UBE3D: variants seen among roughly 807,000 people sequenced by gnomAD.
UBE3D encodes the protein ubiquitin protein ligase E3D, also known as E3 ubiquitin-protein ligase E3D.
A neutral mutation model predicts 49.6 loss-of-function variants in UBE3D; 48 were observed. The ratio of observed to expected loss-of-function variants is 0.97; its 90% CI spans 0.77 to 1.23. UBE3D has a LOEUF of 1.23. Ranked by LOEUF, UBE3D falls within the 50% of genes most tolerant of loss-of-function variation. The pLI, the probability that UBE3D is intolerant of heterozygous loss-of-function variation, is 0.00. For synonymous variants in UBE3D, 189 were observed against 174.2 expected (o/e 1.08, Z -0.67); for missense variants, 452 against 468.4 (o/e 0.96, Z 0.32).
At chr6:83,035,745 T>C (rs1782200728) in intron 5 of UBE3D, among the ~76,000 whole-genome samples, 3 of 152,202 alleles carry the variant, frequency 2.0e-5, no homozygotes, top group African/African-American at 7.2e-5. Context: ...GAAACTGAAG[T>C]CCTAGCTCTG....
intron 9 of UBE3D, among the ~76,000 whole-genome samples, chr6:82,932,800 AT>A (rs1774263727): frequency 6.6e-6 from 1 of 152,116 alleles, no homozygotes; most frequent in Non-Finnish European, 1.5e-5. Context: ...TGGGAGACTG[AT>A]TACTACCCAA....
intron 9 of UBE3D, among the ~76,000 whole-genome samples, chr6:82,909,618 T>C (rs1772354202): frequency 6.6e-6 from 1 of 152,198 alleles, no homozygotes; most frequent in Non-Finnish European, 1.5e-5. Context: ...TGTGCAAGGG[T>C]AGCTGCTTCA....
At chr6:82,897,545 C>T (rs1771419712) in intron 9 of UBE3D, among the ~76,000 whole-genome samples, 1 of 152,110 alleles carries the variant, frequency 6.6e-6, no homozygotes, top group Admixed American at 6.6e-5. Context: ...GAGCTGAGAT[C>T]CCACCAGTGA....
At chr6:83,018,829 CAT>C in intron 8 of UBE3D, 142 bp downstream of exon 8, 1 of 839,740 alleles carries the variant, frequency 1.2e-6, no homozygotes, top group Non-Finnish European at 1.8e-6. Flanking sequence ...CTATTTTAAA[CAT>C]ATAATATTTA....
chr6:82,967,812 TA>T (rs757369807), intron 8 of UBE3D, among the ~76,000 whole-genome samples: 2,882 of 147,492 alleles, frequency 0.02, 31 homozygotes, highest in African/African-American at 0.022. Flanking sequence ...AGGCTAAGTT[TA>T]AAAAAAAAAA....
chr6:82,896,903 G>C (rs1002946182), intron 9 of UBE3D, among the ~76,000 whole-genome samples: 1 of 151,874 alleles, frequency 6.6e-6, no homozygotes, highest in African/African-American at 2.4e-5. Flanking sequence ...CACCATGCCG[G>C]CTAATTTTTG....
chr6:82,933,848 C>T (rs189873528), intron 9 of UBE3D, among the ~76,000 whole-genome samples: 25 of 152,256 alleles, frequency 1.6e-4, no homozygotes, highest in Admixed American at 1.5e-3. Context: ...TAAGCACTTC[C>T]ATGGACCAGA....
chr6:82,992,286 G>T (rs1000175441), intron 8 of UBE3D, among the ~76,000 whole-genome samples: 1 of 139,506 alleles, frequency 7.2e-6, no homozygotes, highest in Non-Finnish European at 1.5e-5. Context: ...GGAATGGCAC[G>T]ATCTCAGCTC....
At chr6:82,986,070 A>C (rs1341930192) in intron 8 of UBE3D, among the ~76,000 whole-genome samples, 1 of 152,156 alleles carries the variant, frequency 6.6e-6, no homozygotes, top group African/African-American at 2.4e-5. Flanking sequence ...TGGCATTTTT[A>C]TTGGGCTTTA....
intron 6 of UBE3D, 54 bp downstream of exon 6, chr6:83,023,915 T>C (rs1781273837): frequency 8.1e-7 from 1 of 1,229,266 alleles, no homozygotes; most frequent in Non-Finnish European, 1.1e-6. Flanking sequence ...AATAAAGGTC[T>C]GAATGGGGAA....
chr6:82,911,596 C>G (rs1772531698), intron 9 of UBE3D, among the ~76,000 whole-genome samples: 1 of 152,114 alleles, frequency 6.6e-6, no homozygotes, highest in South Asian at 2.1e-4. Context: ...GCACATGGGC[C>G]ACATGTGAGA....
chr6:82,982,118 C>T (rs1778155469), intron 8 of UBE3D, among the ~76,000 whole-genome samples: 1 of 152,026 alleles, frequency 6.6e-6, no homozygotes, highest in South Asian at 2.1e-4. Flanking sequence ...GAGTAATAAA[C>T]AACTGTCCTC....
chr6:82,947,595 A>G (rs1461996416), intron 9 of UBE3D, among the ~76,000 whole-genome samples: 2 of 152,052 alleles, frequency 1.3e-5, no homozygotes, highest in South Asian at 4.1e-4. Context: ...ATCATTCTCA[A>G]TGACAGACCT....
At chr6:83,038,218 T>C (rs1782406162) in intron 5 of UBE3D, 198 bp downstream of exon 5, 2 of 481,498 alleles carry the variant, frequency 4.2e-6, no homozygotes, top group African/African-American at 4.0e-5. Flanking sequence ...TAAAATTCAA[T>C]ACTCTGTATT....
chr6:82,907,393 A>C (rs1158104540), intron 9 of UBE3D, among the ~76,000 whole-genome samples: 1 of 152,246 alleles, frequency 6.6e-6, no homozygotes, highest in Non-Finnish European at 1.5e-5. Context: ...AACAAAATCC[A>C]GAAGGCATGT....
At chr6:82,924,130 T>A (rs1368181639) in intron 9 of UBE3D, among the ~76,000 whole-genome samples, 2 of 151,364 alleles carry the variant, frequency 1.3e-5, no homozygotes, top group Non-Finnish European at 2.9e-5. Context: ...TACTTGGAAG[T>A]CCACAAATGG....
rs912004526 is a variant in UBE3D at position 82,893,141 on chromosome 6, G to A, written c.1150-99C>T. 9 of 1,373,992 alleles carry A rather than the reference G, an allele frequency of 6.6e-6. No homozygotes were observed. The Admixed American group carries it at 6.9e-5, about 11-fold the overall frequency. 85.1% of individuals were successfully genotyped at this position (1,373,992 alleles called of 1,614,324 possible). On this transcript the variant is annotated intron_variant, in intron 9 of 9. Coordinates refer to ENST00000369747, the MANE Select transcript of UBE3D (RefSeq NM_198920.3). ...GAATCAGGTTAAGTCTGGTCAATAA[G>A]ATCATATGCTTGTTTAAACAGAAAA...
chr6:83,020,839 C>G (rs1208981973), intron 7 of UBE3D, among the ~76,000 whole-genome samples: 1 of 152,176 alleles, frequency 6.6e-6, no homozygotes, highest in Non-Finnish European at 1.5e-5. Context: ...TTTTTAGTCT[C>G]ATGAAGGCAT....
At chr6:82,995,836 G>A (rs1034353247) in intron 8 of UBE3D, among the ~76,000 whole-genome samples, 2 of 152,086 alleles carry the variant, frequency 1.3e-5, no homozygotes, top group African/African-American at 4.8e-5. Context: ...GGAGGCCAAG[G>A]CGGGTGGATA....
Sources: allele counts gnomAD v4.1 joint callset (sites outside exome capture counted in the v4.1 genomes callset), GRCh38; gene constraint gnomAD v4.1.1; transcripts MANE v1.5; gene names NCBI Gene and HGNC (gene_info 2026-07-23, HGNC 2026-07-21).